The following TBC1D9 variants were observed in gnomAD, a reference collection of about 807,000 sequenced individuals.
TBC1D9 encodes the protein TBC1 domain family member 9A.
Under a neutral mutation model 132.0 loss-of-function variants are expected in TBC1D9, and 63 were observed. The ratio of observed to expected loss-of-function variants is 0.48; its 90% CI spans 0.39 to 0.59. The LOEUF is 0.59. Ranked by LOEUF, TBC1D9 falls within the 20% of genes least tolerant of loss-of-function variation. The pLI, the probability that TBC1D9 is intolerant of heterozygous loss-of-function variation, is 0.00. For missense variants in TBC1D9, 1,261 were observed against 1,592.7 expected, an observed-to-expected ratio of 0.79 and a Z score of 3.54; for synonymous variants, 610 against 609.9, an observed-to-expected ratio of 1.00 and a Z score of 0.00.
intron 1 of TBC1D9, among the ~76,000 whole-genome samples, chr4:140,755,490 A>G (rs1738993726): frequency 6.6e-6 from 1 of 152,160 alleles, no homozygotes; most frequent in South Asian, 2.1e-4. Flanking sequence ...GAAACAAAAG[A>G]GCATTTTATA....
rs200208723 is a variant in TBC1D9, at chr4:140,646,163, GA to G, written c.2338-6736del. ...TAGGGGGTCCTCATGATCATTCCAGGAAGTAAGTGCTCTTCCTATCCCCATT... is the reference window on the plus strand; with the variant it reads ...TAGGGGGTCCTCATGATCATTCCAGGAGTAAGTGCTCTTCCTATCCCCATT... On this transcript the variant is annotated intron_variant, in intron 13 of 20. Coordinates refer to ENST00000442267, the MANE Select transcript of TBC1D9 (RefSeq NM_015130.3). Among the ~76,000 whole-genome samples the G allele has an allele frequency of 5.6e-4, 85 of 152,280 alleles. No individual in the cohort carries two copies. In the East Asian group the frequency reaches 0.016, roughly 28 times the overall value.
intron 2 of TBC1D9, among the ~76,000 whole-genome samples, chr4:140,699,519 C>T (rs1738030750): frequency 6.6e-6 from 1 of 152,140 alleles, no homozygotes; most frequent in Non-Finnish European, 1.5e-5. Flanking sequence ...ATCTTCCTCA[C>T]AAAAATCTAC....
chr4:140,749,803 C>T (rs1738893955), intron 1 of TBC1D9, among the ~76,000 whole-genome samples: 1 of 151,924 alleles, frequency 6.6e-6, no homozygotes, highest in Non-Finnish European at 1.5e-5. Context: ...AAAATACTAA[C>T]CAAATAAATC....
chr4:140,655,386 A>G (rs142661479), intron 13 of TBC1D9, among the ~76,000 whole-genome samples: 1 of 152,200 alleles, frequency 6.6e-6, no homozygotes, highest in Non-Finnish European at 1.5e-5. Context: ...TAAAAGCACT[A>G]AATTTTTTAC....
chr4:140,622,310 T>C lies in TBC1D9; in HGVS notation c.3686A>G (p.Tyr1229Cys), dbSNP rs746055586. ...CATCATGCACACGGGCTTGTCAAAG[T>C]ACTTGACCAGGGCAGGCTCAGTTAA... The part of the protein sequence containing the change: ...SLLTEPALVK[Y>C]FDKPVCMMAR... The change falls in exon 21 of 21, where the codon TAC becomes TGC. Residue 1229 changes from tyrosine (Y) to cysteine (C), a missense_variant. Physicochemically the swap from Tyr to Cys is radical, Grantham distance 194. This residue lies in a region of TBC1D9 where 618 missense variants were observed against 724.4 expected (regional missense o/e 0.85). Coordinates refer to ENST00000442267, the MANE Select transcript of TBC1D9 (RefSeq NM_015130.3). 2 of 1,613,782 alleles carry C rather than the reference T, an allele frequency of 1.2e-6. No homozygotes were observed. Among genetic ancestry groups the C allele is most frequent in the Non-Finnish European group, 1.7e-6 (2 of 1,179,704 alleles).
intron 17 of TBC1D9, 29 bp from the exon 18 acceptor site, chr4:140,627,556 T>C: frequency 7.4e-7 from 1 of 1,358,962 alleles, no homozygotes; most frequent in Non-Finnish European, 1.0e-6. Flanking sequence ...ATAGTTCTCA[T>C]ATTGGTAGGG....
chr4:140,699,401 TA>T (rs1243669788), intron 2 of TBC1D9, among the ~76,000 whole-genome samples: 1 of 152,028 alleles, frequency 6.6e-6, no homozygotes, highest in East Asian at 1.9e-4. Flanking sequence ...TGGACAAACC[TA>T]AAAAAACACT....
At chr4:140,689,597 C>A (rs1284017318) in intron 2 of TBC1D9, among the ~76,000 whole-genome samples, 1 of 90,666 alleles carries the variant, frequency 1.1e-5, no homozygotes, top group Admixed American at 1.1e-4. Context: ...CCCTTTTCTT[C>A]CCTTCCTCCT....
chr4:140,737,392 C>CT (rs576072727), intron 1 of TBC1D9, among the ~76,000 whole-genome samples: 137 of 151,990 alleles, frequency 9.0e-4, no homozygotes, highest in Non-Finnish European at 1.7e-3. Context: ...CTCTATCTCT[C>CT]TGTCTATCTC....
At chr4:140,627,100 G>C (rs1736720643) in intron 18 of TBC1D9, among the ~76,000 whole-genome samples, 1 of 152,226 alleles carries the variant, frequency 6.6e-6, no homozygotes, top group African/African-American at 2.4e-5. Context: ...ATAAGAGAAT[G>C]CTTTCTGACA....
chr4:140,634,256 C>G (rs760272587), intron 15 of TBC1D9, 68 bp from the exon 16 acceptor site: 179 of 1,570,216 alleles, frequency 1.1e-4, no homozygotes, highest in Non-Finnish European at 1.5e-4. Flanking sequence ...AACGCCCATC[C>G]TCCAGTTTGG....
intron 16 of TBC1D9, among the ~76,000 whole-genome samples, chr4:140,632,027 T>C (rs1560866242): frequency 6.6e-6 from 1 of 152,214 alleles, no homozygotes; most frequent in Non-Finnish European, 1.5e-5. Context: ...CCCACTAATC[T>C]GGGGTATAGT....
intron 6 of TBC1D9, among the ~76,000 whole-genome samples, chr4:140,675,091 A>G (rs987463544): frequency 6.6e-6 from 1 of 152,156 alleles, no homozygotes. Flanking sequence ...AAAATTCCCT[A>G]TAAAGTGTTT....
intron 13 of TBC1D9, among the ~76,000 whole-genome samples, chr4:140,654,330 G>T (rs1438255778): frequency 6.6e-6 from 1 of 152,152 alleles, no homozygotes; most frequent in Non-Finnish European, 1.5e-5. Flanking sequence ...AAAGGGGAAG[G>T]GGGTGTCTGT....
At position 140,670,732 on chromosome 4, in the gene TBC1D9, A is replaced by C; in HGVS notation, c.1254T>G (p.Ser418Arg). 1.2e-6 allele frequency: 2 copies of C among 1,613,740 alleles called. No homozygotes were observed. Among genetic ancestry groups the C allele is most frequent in the Non-Finnish European group, 1.7e-6 (2 of 1,179,884 alleles). ...SDKEFAGSYN[S>R]SDDEVYSRPS... Reference sequence around the variant, plus strand: ...GTCTCCCACAGACCTCATCATCTGAACTGTTGTAACTTCCTGCAAACTCCT... The same window carrying C: ...GTCTCCCACAGACCTCATCATCTGACCTGTTGTAACTTCCTGCAAACTCCT... Residue 418 changes from serine (S) to arginine (R), a missense_variant, in exon 7 of 21, where the codon AGT becomes AGG. Coordinates refer to ENST00000442267, the MANE Select transcript of TBC1D9 (RefSeq NM_015130.3).
intron 13 of TBC1D9, among the ~76,000 whole-genome samples, chr4:140,645,809 C>T (rs1737094342): frequency 6.6e-6 from 1 of 152,214 alleles, no homozygotes; most frequent in African/African-American, 2.4e-5. Context: ...TCCCTGCCAG[C>T]CACGGCCTGA....
At chr4:140,731,668 TACACAC>T (rs56768107) in intron 1 of TBC1D9, among the ~76,000 whole-genome samples, 166 of 147,204 alleles carry the variant, frequency 1.1e-3, no homozygotes, top group South Asian at 0.011. Flanking sequence ...TTAAAACACA[TACACAC>T]ACACACACAC....
At chr4:140,693,753 C>T (rs142553412) in intron 2 of TBC1D9, among the ~76,000 whole-genome samples, 1 of 152,210 alleles carries the variant, frequency 6.6e-6, no homozygotes, top group South Asian at 2.1e-4. Flanking sequence ...ACAAACCTCT[C>T]AGGCCCTGGA....
intron 3 of TBC1D9, among the ~76,000 whole-genome samples, chr4:140,684,053 A>T (rs1737745090): frequency 6.6e-6 from 1 of 152,188 alleles, no homozygotes; most frequent in African/African-American, 2.4e-5. Context: ...TCAAGAAAAA[A>T]AGACGAGAAC....
Sources: allele counts gnomAD v4.1 joint callset (sites outside exome capture counted in the v4.1 genomes callset), GRCh38; gene constraint gnomAD v4.1.1; regional missense constraint gnomAD v4.1.1; transcripts MANE v1.5; gene names NCBI Gene and HGNC (gene_info 2026-07-23, HGNC 2026-07-21).